The following INPP4B variants were observed in gnomAD, a reference collection of about 807,000 sequenced individuals.
INPP4B encodes inositol polyphosphate-4-phosphatase type II B.
In INPP4B, 55 loss-of-function variants were observed where a neutral mutation model predicts 122.5. That is an observed-to-expected ratio of 0.45 (90% confidence interval 0.36 to 0.56). The LOEUF (loss-of-function observed/expected upper bound fraction) is 0.56, where lower values mean the gene tolerates loss of function less well. INPP4B is among the 20% of genes least tolerant of loss of function. The pLI, the probability that INPP4B is intolerant of heterozygous loss-of-function variation, is 0.00. For synonymous variants in INPP4B, 403 were observed against 388.7 expected (o/e 1.04, Z -0.43); for missense variants, 1,000 against 1,097.7 (o/e 0.91, Z 1.26).
chr4:142,304,386 T>A (rs1028758026), intron 9 of INPP4B, among the ~76,000 whole-genome samples: 2 of 152,044 alleles, frequency 1.3e-5, no homozygotes, highest in Non-Finnish European at 2.9e-5. Context: ...TTAGGAGACA[T>A]AACCTAAAGG....
chr4:142,187,599 A>T (rs866284473), intron 15 of INPP4B, among the ~76,000 whole-genome samples: 4 of 148,842 alleles, frequency 2.7e-5, no homozygotes, highest in Middle Eastern at 3.4e-3. Context: ...ACAGACACAC[A>T]TTTTTTTTTT....
chr4:142,208,602 G>A, intron 13 of INPP4B, 73 bp from the exon 14 acceptor site: 1 of 779,074 alleles, frequency 1.3e-6, no homozygotes, highest in Non-Finnish European at 2.0e-6. Context: ...AGATAAATTT[G>A]ACAGAAAAAT....
At chr4:142,437,596 G>A (rs1312970812) in intron 3 of INPP4B, among the ~76,000 whole-genome samples, 1 of 152,080 alleles carries the variant, frequency 6.6e-6, no homozygotes, top group Admixed American at 6.6e-5. Context: ...GAGACTGGGG[G>A]CCAATATTCA....
chr4:142,727,060 G>T (rs191273673), intron 1 of INPP4B, among the ~76,000 whole-genome samples: 97 of 152,218 alleles, frequency 6.4e-4, no homozygotes, highest in Non-Finnish European at 9.9e-4. Context: ...ACAATAAAAT[G>T]ATTAAATCAT....
At chr4:142,126,044 C>T (rs1489235018) in intron 18 of INPP4B, among the ~76,000 whole-genome samples, 1 of 152,058 alleles carries the variant, frequency 6.6e-6, no homozygotes, top group Non-Finnish European at 1.5e-5. Context: ...TTCTAACAGG[C>T]ATCAATTATA....
intron 1 of INPP4B, among the ~76,000 whole-genome samples, chr4:142,818,611 A>T (rs1780422900): frequency 6.6e-6 from 1 of 152,132 alleles, no homozygotes; most frequent in African/African-American, 2.4e-5. Flanking sequence ...CATTAGCAAT[A>T]AAAATTTTTG....
intron 12 of INPP4B, among the ~76,000 whole-genome samples, chr4:142,217,356 C>G (rs1847724484): frequency 6.6e-6 from 1 of 152,150 alleles, no homozygotes; most frequent in Non-Finnish European, 1.5e-5. Context: ...CCGCAGTCTC[C>G]TACCCATGGG....
chr4:142,638,891 GT>G (rs1203160507), intron 2 of INPP4B, among the ~76,000 whole-genome samples: 5 of 152,130 alleles, frequency 3.3e-5, no homozygotes, highest in African/African-American at 1.2e-4. Flanking sequence ...TCACCATTAA[GT>G]ATGATGCTGC....
At chr4:142,086,105 G>T in intron 24 of INPP4B, 39 bp downstream of exon 24, 1 of 1,293,344 alleles carries the variant, frequency 7.7e-7, no homozygotes, top group Non-Finnish European at 1.1e-6. Flanking sequence ...TGCTGGTTAT[G>T]ACATGGCAGG....
At chr4:142,621,005 A>G (rs938966644) in intron 2 of INPP4B, among the ~76,000 whole-genome samples, 10 of 151,912 alleles carry the variant, frequency 6.6e-5, no homozygotes, top group Non-Finnish European at 8.8e-5. Context: ...AAAACCTTAA[A>G]TGCTATTGAA....
At chr4:142,800,672 A>G (rs1561083515) in intron 1 of INPP4B, among the ~76,000 whole-genome samples, 1 of 152,198 alleles carries the variant, frequency 6.6e-6, no homozygotes, top group Non-Finnish European at 1.5e-5. Context: ...GTTAGCTTAT[A>G]ACCCTAAAAC....
chr4:142,348,472 C>A (rs1561904934), intron 7 of INPP4B, among the ~76,000 whole-genome samples: 1 of 151,986 alleles, frequency 6.6e-6, no homozygotes, highest in Non-Finnish European at 1.5e-5. Flanking sequence ...ACCAGCTTCT[C>A]CCTCCTGCCC....
intron 2 of INPP4B, among the ~76,000 whole-genome samples, chr4:142,691,347 AT>A (rs1760144392): frequency 6.6e-6 from 1 of 151,234 alleles, no homozygotes; most frequent in African/African-American, 2.4e-5. Flanking sequence ...TTTTTTTTAA[AT>A]TTTTGCTTAT....
chr4:142,783,818 T>C (rs1356698210), intron 1 of INPP4B, among the ~76,000 whole-genome samples: 3 of 152,080 alleles, frequency 2.0e-5, no homozygotes, highest in Non-Finnish European at 2.9e-5. Context: ...AAGCACCTAA[T>C]GTACTAGATT....
chr4:142,352,888 C>G (rs572635170), intron 7 of INPP4B, among the ~76,000 whole-genome samples: 1 of 151,906 alleles, frequency 6.6e-6, no homozygotes, highest in African/African-American at 2.4e-5. Context: ...TCCATGGAAA[C>G]TTTAGCTGAT....
intron 2 of INPP4B, among the ~76,000 whole-genome samples, chr4:142,608,997 CTTA>C (rs1741913777): frequency 6.6e-6 from 1 of 152,040 alleles, no homozygotes; most frequent in Non-Finnish European, 1.5e-5. Context: ...ATCTCAAACT[CTTA>C]TTATGCTTCA....
chr4:142,304,972 G>T (rs1042324963), intron 9 of INPP4B, among the ~76,000 whole-genome samples: 1 of 152,038 alleles, frequency 6.6e-6, no homozygotes, highest in African/African-American at 2.4e-5. Context: ...TCTGTGTCAA[G>T]AAAGAATGTG....
chr4:142,286,316 A>C (rs1753656087), intron 9 of INPP4B, among the ~76,000 whole-genome samples: 1 of 152,222 alleles, frequency 6.6e-6, no homozygotes, highest in Non-Finnish European at 1.5e-5. Flanking sequence ...ATTAGTAGTT[A>C]AATGGCCTTT....
intron 7 of INPP4B, among the ~76,000 whole-genome samples, chr4:142,351,140 G>C (rs1281603348): frequency 1.3e-5 from 2 of 151,930 alleles, no homozygotes; most frequent in Non-Finnish European, 2.9e-5. Context: ...AGAGATACTA[G>C]AGCTAGCCTG....
Sources: gnomAD v4.1 joint callset for allele counts (sites outside exome capture counted in the v4.1 genomes callset) on GRCh38, gnomAD v4.1.1 for gene constraint, MANE v1.5 for transcripts, NCBI Gene and HGNC (gene_info 2026-07-23, HGNC 2026-07-21) for gene names.